PTPRK: variants seen among roughly 807,000 people sequenced by gnomAD.
The protein encoded by PTPRK is protein tyrosine phosphatase receptor type K, also known as receptor-type tyrosine-protein phosphatase kappa.
Under a neutral mutation model 178.0 loss-of-function variants are expected in PTPRK, and 75 were observed. That is an observed-to-expected ratio of 0.42 (90% confidence interval 0.35 to 0.51). The LOEUF (loss-of-function observed/expected upper bound fraction) is 0.51. PTPRK is among the 20% of genes least tolerant of loss of function. The probability of loss-of-function intolerance (pLI) is 0.02; values close to 1 mark genes in which losing one functional copy is unlikely to be tolerated. For missense variants in PTPRK, 1,441 were observed against 1,797.8 expected (o/e 0.80, Z 3.59); for synonymous variants, 637 against 620.6 (o/e 1.03, Z -0.39).
chr6:128,276,596 A>G (rs1820760269), intron 3 of PTPRK, among the ~76,000 whole-genome samples: 1 of 152,172 alleles, frequency 6.6e-6, no homozygotes, highest in South Asian at 2.1e-4. Context: ...TCTGGCAATA[A>G]ATGCAGCAAG....
intron 7 of PTPRK, among the ~76,000 whole-genome samples, chr6:128,123,115 A>G (rs929122737): frequency 1.1e-4 from 16 of 152,214 alleles, no homozygotes; most frequent in African/African-American, 3.9e-4. Context: ...GAAAAGGAGA[A>G]AACAGAAACA....
chr6:128,231,774 C>T (rs903395266), intron 5 of PTPRK, among the ~76,000 whole-genome samples: 1 of 152,152 alleles, frequency 6.6e-6, no homozygotes, highest in African/African-American at 2.4e-5. Context: ...GACAAATGCG[C>T]TCCAAAACTA....
At chr6:128,496,749 T>C (rs1854723529) in intron 1 of PTPRK, among the ~76,000 whole-genome samples, 1 of 152,220 alleles carries the variant, frequency 6.6e-6, no homozygotes, top group African/African-American at 2.4e-5. Flanking sequence ...AATTGCTTCT[T>C]GGTTTATGAA....
At chr6:128,007,718 G>A (rs928391484) in intron 14 of PTPRK, among the ~76,000 whole-genome samples, 1 of 150,874 alleles carries the variant, frequency 6.6e-6, no homozygotes, top group Non-Finnish European at 1.5e-5. Flanking sequence ...AGCTGAATGA[G>A]GATATAATCA....
intron 13 of PTPRK, among the ~76,000 whole-genome samples, chr6:128,023,768 C>T (rs1265917541): frequency 6.6e-6 from 1 of 152,054 alleles, no homozygotes; most frequent in Non-Finnish European, 1.5e-5. Flanking sequence ...ATCCTCCCAG[C>T]TTAGCCTCTG....
intron 13 of PTPRK, among the ~76,000 whole-genome samples, chr6:128,053,220 T>C (rs1779345327): frequency 6.7e-6 from 1 of 149,060 alleles, no homozygotes; most frequent in African/African-American, 2.6e-5. Context: ...TTTTTAACTT[T>C]CTCCCTGCAC....
chr6:128,498,089 G>A lies in PTPRK; in HGVS notation c.100+22170C>T, dbSNP rs1854998697. Reference sequence around the variant, plus strand: ...AAAACAATTAATTTTCTTAGGAGCTGTAAATAAATCCCCTGAAACTGTAGT... The same window carrying A: ...AAAACAATTAATTTTCTTAGGAGCTATAAATAAATCCCCTGAAACTGTAGT... On this transcript the variant is annotated intron_variant, in intron 1 of 29. Coordinates refer to ENST00000368226, the MANE Select transcript of PTPRK (RefSeq NM_002844.4). Among the ~76,000 whole-genome samples, 3 of 152,092 alleles carry A rather than the reference G, an allele frequency of 2.0e-5. 1 individual carries two copies. The highest frequency in any genetic ancestry group is 6.6e-5 in the Admixed American group (1 of 15,262).
intron 1 of PTPRK, among the ~76,000 whole-genome samples, chr6:128,424,786 G>A (rs1490945301): frequency 2.0e-5 from 3 of 152,160 alleles, no homozygotes; most frequent in Admixed American, 1.3e-4. Flanking sequence ...TTCATGCACC[G>A]TTAAGAATGA....
intron 6 of PTPRK, among the ~76,000 whole-genome samples, chr6:128,189,908 A>T (rs1256807289): frequency 6.6e-6 from 1 of 152,178 alleles, no homozygotes; most frequent in Non-Finnish European, 1.5e-5. Context: ...TAATTCAGGC[A>T]TTTATCAGCT....
intron 2 of PTPRK, among the ~76,000 whole-genome samples, chr6:128,354,231 G>GTTTTTTTTGTTTTTT (rs1833613113): frequency 2.0e-5 from 1 of 49,358 alleles, no homozygotes; most frequent in South Asian, 1.2e-3. Flanking sequence ...TTTTGTTTAT[G>GTTTTTTTTGTTTTTT]TTTTTTTTTT....
chr6:128,497,008 G>GTCC (rs1407065580), intron 1 of PTPRK, among the ~76,000 whole-genome samples: 3 of 152,032 alleles, frequency 2.0e-5, no homozygotes, highest in African/African-American at 7.2e-5. Flanking sequence ...AATAAAAATC[G>GTCC]TAACATCCAA....
chr6:127,979,707 GA>G (rs1775049136), intron 25 of PTPRK, among the ~76,000 whole-genome samples: 1 of 152,186 alleles, frequency 6.6e-6, no homozygotes, highest in African/African-American at 2.4e-5. Flanking sequence ...CGTAGAAACA[GA>G]ATGTGGGCTT....
chr6:128,220,534 G>A (rs191232857), intron 5 of PTPRK, among the ~76,000 whole-genome samples: 91 of 152,184 alleles, frequency 6.0e-4, no homozygotes, highest in Non-Finnish European at 7.1e-4. Flanking sequence ...AAACAAAAAT[G>A]ATAACATTCC....
intron 3 of PTPRK, among the ~76,000 whole-genome samples, chr6:128,302,111 G>A (rs774925079): frequency 2.6e-4 from 40 of 152,036 alleles, no homozygotes; most frequent in South Asian, 4.1e-4. Flanking sequence ...GAAACGGGCC[G>A]GGTGAGGTGG....
At chr6:128,042,764 C>T (rs1395795288) in intron 13 of PTPRK, among the ~76,000 whole-genome samples, 2 of 151,934 alleles carry the variant, frequency 1.3e-5, no homozygotes, top group Non-Finnish European at 2.9e-5. Flanking sequence ...ATCACAGAGG[C>T]CCCAACCAAG....
chr6:128,414,688 C>A (rs947828833), intron 1 of PTPRK, among the ~76,000 whole-genome samples: 1 of 152,164 alleles, frequency 6.6e-6, no homozygotes, highest in Admixed American at 6.5e-5. Flanking sequence ...AAGTGTGGTA[C>A]ACAGAATATG....
intron 20 of PTPRK, 35 bp from the exon 21 acceptor site, chr6:127,990,920 A>C: frequency 8.9e-6 from 11 of 1,233,158 alleles, no homozygotes; most frequent in Non-Finnish European, 1.3e-5. Flanking sequence ...ACAGACCTGA[A>C]TATATAATAC....
chr6:128,232,738 T>C (rs1282953380), intron 5 of PTPRK, among the ~76,000 whole-genome samples: 2 of 152,254 alleles, frequency 1.3e-5, no homozygotes, highest in Non-Finnish European at 1.5e-5. Flanking sequence ...TCTGACATCA[T>C]TGTTCAAGTT....
At chr6:128,384,574 T>C (rs1838422107) in intron 2 of PTPRK, among the ~76,000 whole-genome samples, 1 of 152,062 alleles carries the variant, frequency 6.6e-6, no homozygotes, top group South Asian at 2.1e-4. Context: ...AAACCACCAG[T>C]GGAAAGAGTT....
Sources: allele counts gnomAD v4.1 joint callset (sites outside exome capture counted in the v4.1 genomes callset), GRCh38; gene constraint gnomAD v4.1.1; transcripts MANE v1.5; gene names NCBI Gene and HGNC (gene_info 2026-07-23, HGNC 2026-07-21).